KDM4C: variants seen among roughly 807,000 people sequenced by gnomAD.
KDM4C encodes the protein lysine-specific demethylase 4C.
Under a neutral mutation model 129.3 loss-of-function variants are expected in KDM4C, and 81 were observed. The observed-to-expected ratio is 0.63, with a 90% CI of 0.52 to 0.75. KDM4C has a LOEUF of 0.75. Ranked by LOEUF, KDM4C falls within the 30% of genes least tolerant of loss-of-function variation. The pLI is 0.00. For missense variants in KDM4C, 1,457 were observed against 1,304.0 expected (o/e 1.12, Z -1.81); for synonymous variants, 573 against 456.1 (o/e 1.26, Z -3.26).
At chr9:6,898,709 A>G (rs1816862889) in intron 8 of KDM4C, among the ~76,000 whole-genome samples, 1 of 152,236 alleles carries the variant, frequency 6.6e-6, no homozygotes, top group Non-Finnish European at 1.5e-5. Flanking sequence ...CTAGCATGTA[A>G]GTGCCATGAT....
At chr9:6,894,046 A>G (rs752150453) in intron 8 of KDM4C, among the ~76,000 whole-genome samples, 5 of 152,056 alleles carry the variant, frequency 3.3e-5, no homozygotes, top group Non-Finnish European at 7.4e-5. Context: ...TGATAAATAA[A>G]GCGTATGTGG....
chr9:6,936,449 A>G (rs1824810453), intron 8 of KDM4C, among the ~76,000 whole-genome samples: 1 of 152,240 alleles, frequency 6.6e-6, no homozygotes, highest in Non-Finnish European at 1.5e-5. Context: ...CATTATTGCC[A>G]TTGAATATTT....
At chr9:6,928,205 C>G (rs1350275491) in intron 8 of KDM4C, among the ~76,000 whole-genome samples, 1 of 152,226 alleles carries the variant, frequency 6.6e-6, no homozygotes, top group Non-Finnish European at 1.5e-5. Context: ...TCTCATAACA[C>G]TATACTCACC....
intron 12 of KDM4C, among the ~76,000 whole-genome samples, chr9:7,005,844 A>C (rs938792945): frequency 1.3e-5 from 2 of 152,244 alleles, no homozygotes; most frequent in Non-Finnish European, 2.9e-5. Flanking sequence ...CACCCAACCA[A>C]GACTGTATAG....
intron 8 of KDM4C, among the ~76,000 whole-genome samples, chr9:6,895,509 G>C (rs1396408094): frequency 6.6e-6 from 1 of 152,186 alleles, no homozygotes; most frequent in Non-Finnish European, 1.5e-5. Context: ...CGCATTCAAA[G>C]ATCTCTGGGA....
intron 21 of KDM4C, chr9:7,170,133 C>T: frequency 7.3e-7 from 1 of 1,377,008 alleles, no homozygotes; most frequent in Non-Finnish European, 9.5e-7. Context: ...TTTGTGTTGA[C>T]ATTTATTGGT....
chr9:6,893,288 G>C, intron 8 of KDM4C, 56 bp downstream of exon 8: 2 of 1,442,218 alleles, frequency 1.4e-6, no homozygotes, highest in Non-Finnish European at 1.9e-6. Flanking sequence ...GGTTATTTTA[G>C]TAGGAACCCT....
intron 19 of KDM4C, among the ~76,000 whole-genome samples, chr9:7,153,421 T>C (rs777085331): frequency 9.2e-5 from 14 of 152,308 alleles, no homozygotes; most frequent in Non-Finnish European, 1.8e-4. Flanking sequence ...GAATACATTC[T>C]TGTGGATATC....
At chr9:6,970,906 C>T (rs1284624670) in intron 8 of KDM4C, among the ~76,000 whole-genome samples, 1 of 151,800 alleles carries the variant, frequency 6.6e-6, no homozygotes, top group Non-Finnish European at 1.5e-5. Context: ...TACACTAACC[C>T]CATCATTCCC....
At chr9:6,784,707 A>G (rs1378171660) in intron 1 of KDM4C, among the ~76,000 whole-genome samples, 1 of 152,216 alleles carries the variant, frequency 6.6e-6, no homozygotes, top group African/African-American at 2.4e-5. Context: ...AACGGATGAA[A>G]TAAAAGCTGC....
intron 8 of KDM4C, among the ~76,000 whole-genome samples, chr9:6,899,284 C>G (rs1235332225): frequency 6.6e-6 from 1 of 152,078 alleles, no homozygotes; most frequent in Non-Finnish European, 1.5e-5. Context: ...TATCCTTAAC[C>G]AGAGAGGTGC....
intron 1 of KDM4C, among the ~76,000 whole-genome samples, chr9:6,737,806 C>T (rs926137895): frequency 4.6e-5 from 7 of 151,920 alleles, no homozygotes; most frequent in African/African-American, 1.7e-4. Context: ...TACAAACTCA[C>T]ACCAGTCAGA....
At chr9:6,788,374 G>T (rs1307627216) in intron 1 of KDM4C, among the ~76,000 whole-genome samples, 1 of 152,096 alleles carries the variant, frequency 6.6e-6, no homozygotes, top group African/African-American at 2.4e-5. Flanking sequence ...GGCCACCCTT[G>T]TTCTTTAGCC....
intron 19 of KDM4C, among the ~76,000 whole-genome samples, chr9:7,140,022 G>C (rs961897149): frequency 1.3e-5 from 2 of 152,152 alleles, no homozygotes; most frequent in African/African-American, 2.4e-5. Flanking sequence ...TCTTGACTTG[G>C]GATCTTATAC....
At chr9:7,096,143 A>G (rs73407484) in intron 17 of KDM4C, among the ~76,000 whole-genome samples, 1,779 of 152,334 alleles carry the variant, frequency 0.012, 38 homozygotes, top group African/African-American at 0.037. Context: ...ATGGAACCCA[A>G]ACAGGCTATG....
At chr9:7,023,561 T>G (rs1426796040) in intron 15 of KDM4C, among the ~76,000 whole-genome samples, 1 of 152,076 alleles carries the variant, frequency 6.6e-6, no homozygotes, top group Non-Finnish European at 1.5e-5. Context: ...GTTTGTCAGT[T>G]TTGTTTTTCT....
At chr9:6,897,898 G>A (rs1816714991) in intron 8 of KDM4C, among the ~76,000 whole-genome samples, 1 of 152,138 alleles carries the variant, frequency 6.6e-6, no homozygotes, top group South Asian at 2.1e-4. Flanking sequence ...GTTGAAATAA[G>A]ACATTTGTGC....
chr9:7,055,958 G>A lies in KDM4C; in HGVS notation c.2424+6758G>A, dbSNP rs766978033. ...AGACATATTGATTATCTTTCATCAT[G>A]CTAAAAGAAAAGAAGTAGTGTCGTA... On this transcript the variant is annotated intron_variant, in intron 17 of 21. Transcript: ENST00000381309. Among the ~76,000 whole-genome samples the A allele has an allele frequency of 3.0e-4, 46 of 152,310 alleles. 1 individual carries two copies. The highest frequency in any genetic ancestry group is 2.4e-3 in the Admixed American group (37 of 15,294).
At chr9:7,094,527 C>A (rs564598502) in intron 17 of KDM4C, among the ~76,000 whole-genome samples, 1 of 152,060 alleles carries the variant, frequency 6.6e-6, no homozygotes, top group African/African-American at 2.4e-5. Context: ...TGATTTTTCT[C>A]TTGTAGCAAC....
Sources: gnomAD v4.1 joint callset for allele counts (sites outside exome capture counted in the v4.1 genomes callset) on GRCh38, gnomAD v4.1.1 for gene constraint, MANE v1.5 for transcripts, NCBI Gene and HGNC (gene_info 2026-07-23, HGNC 2026-07-21) for gene names.